The following PCDHGA4 variants were observed in gnomAD, a reference collection of about 807,000 sequenced individuals.
PCDHGA4 encodes protocadherin gamma subfamily A, 4, also known as protocadherin gamma-A4.
Under a neutral mutation model 54.6 loss-of-function variants are expected in PCDHGA4, and 38 were observed. That is an observed-to-expected ratio of 0.70 (90% CI 0.54 to 0.91). The LOEUF is 0.91. Ranked by LOEUF, PCDHGA4 falls within the 40% of genes least tolerant of loss-of-function variation. The pLI, the probability that PCDHGA4 is intolerant of heterozygous loss-of-function variation, is 0.00. For missense variants in PCDHGA4, 1,298 were observed against 1,220.9 expected (o/e 1.06, Z -0.94); for synonymous variants, 511 against 512.9 (o/e 1.00, Z 0.05).
At chr5:141,458,201 TAGTTTAAAATA>T (rs1175017515) in intron 1 of PCDHGA4, among the ~76,000 whole-genome samples, 1 of 152,168 alleles carries the variant, frequency 6.6e-6, no homozygotes, top group Non-Finnish European at 1.5e-5. Context: ...AGGCCATAAA[TAGTTTAAAATA>T]AGTTTCCTTT....
intron 1 of PCDHGA4, among the ~76,000 whole-genome samples, chr5:141,380,341 G>A (rs1359705635): frequency 6.6e-6 from 1 of 152,024 alleles, no homozygotes; most frequent in Non-Finnish European, 1.5e-5. Context: ...TCAAAGAACT[G>A]TTTTGTTGTT....
rs978615543 is a variant in PCDHGA4, at chr5:141,362,706, T to A, written c.2514+5085T>A. On this transcript the variant is annotated intron_variant, in intron 1 of 3. Transcript: ENST00000571252. ...TAATCTTATCTAACTGAATTTTAAG[T>A]GTTTTCTCTCTGAAGTGTGAGATTT... The A allele has an allele frequency of 3.0e-6, 3 of 988,590 alleles. No individual in the cohort carries two copies. The African/African-American group carries it at 4.9e-5, about 16-fold the overall frequency. 61.2% of individuals were successfully genotyped at this position (988,590 alleles called of 1,614,324 possible).
rs1157536797 is a variant in PCDHGA4, at chr5:141,355,793, G to C, written c.686G>C (p.Arg229Pro). 6.2e-7 allele frequency: 1 copy of C among 1,613,456 alleles called. No individual in the cohort carries two copies. Among genetic ancestry groups the C allele is most frequent in the African/African-American group, 1.3e-5 (1 of 74,904 alleles). The change falls in exon 1 of 4, where the codon CGC (arginine) becomes CCC (proline). Residue 229 changes from arginine to proline, a missense_variant. Transcript: ENST00000571252. ...GIKYPELVLE[R>P]ALDREEEAVH... ...AAGTACCCAGAGCTGGTGCTGGAACGCGCTCTAGATCGCGAGGAAGAGGCG... is the reference window on the plus strand; with the variant it reads ...AAGTACCCAGAGCTGGTGCTGGAACCCGCTCTAGATCGCGAGGAAGAGGCG...
At chr5:141,360,081 C>A (rs1380331452) in intron 1 of PCDHGA4, 2 of 1,486,164 alleles carry the variant, frequency 1.3e-6, no homozygotes, top group Non-Finnish European at 1.8e-6. Context: ...CCGGATTCTG[C>A]CATCCCCGGA....
In PCDHGA4 at chr5:141,372,299, G is replaced by T. The variant is rs35459734; in HGVS notation, c.2514+14678G>T. The stretch of plus-strand genomic sequence containing the variant: ...GCACGGCGCGTACCTTGGGCGACAG[G>T]GAGGCCGCCCGCCAGCGCCTGCTGG... On this transcript the variant is annotated intron_variant, in intron 1 of 3. Coordinates refer to ENST00000571252, the MANE Select transcript of PCDHGA4 (RefSeq NM_018917.4). The T allele has an allele frequency of 1.9e-3, 2,997 of 1,613,318 alleles. 22 individuals are homozygous for T. Among genetic ancestry groups the T allele is most frequent in the African/African-American group, 0.017 (1,313 of 75,058 alleles).
intron 1 of PCDHGA4, chr5:141,378,091 TC>T (rs1774623141): frequency 6.6e-6 from 1 of 152,230 alleles, no homozygotes; most frequent in African/African-American, 2.4e-5. Flanking sequence ...TAACTTTTTT[TC>T]AAACTCTAAA....
rs759045688 is a variant in PCDHGA4 at position 141,395,208 on chromosome 5, G to C, written c.2514+37587G>C. 5.6e-6 allele frequency: 9 copies of C among 1,613,352 alleles called. No individual in the cohort carries two copies. In the Admixed American group the frequency reaches 1.5e-4, roughly 27 times the overall value. ...TTTGTTAACATCCGTAGATTTTCAT[G>C]AATATAAGAATGAAGCTGATCATGG... On this transcript the variant is annotated intron_variant, in intron 1 of 3. Coordinates refer to ENST00000571252, the MANE Select transcript of PCDHGA4 (RefSeq NM_018917.4).
intron 1 of PCDHGA4, chr5:141,478,437 A>G (rs2099455876): frequency 6.2e-7 from 1 of 1,613,758 alleles, no homozygotes; most frequent in African/African-American, 1.3e-5. Flanking sequence ...CCGCTGCTGA[A>G]GAAACCTGGT....
At chr5:141,499,184 A>G (rs2099789986) in intron 2 of PCDHGA4, among the ~76,000 whole-genome samples, 1 of 151,726 alleles carries the variant, frequency 6.6e-6, no homozygotes, top group African/African-American at 2.4e-5. Context: ...CCAGCAAACC[A>G]TTTCCCCCTT....
chr5:141,384,410 A>T, intron 1 of PCDHGA4: 3 of 1,613,844 alleles, frequency 1.9e-6, no homozygotes, highest in Non-Finnish European at 2.5e-6. Flanking sequence ...GTGTCCTCCT[A>T]TGTCTCCATA....
Position 141,511,464 on chromosome 5 carries a change from C to G in PCDHGA4, c.*291C>G. 1.9e-6 allele frequency: 1 copy of G among 538,254 alleles called. No individual in the cohort carries two copies. The highest frequency in any genetic ancestry group is 2.1e-5 in the South Asian group (1 of 47,028). The allele number at this position is 538,254 out of a possible 1,614,324, so 33.3% of individuals were successfully genotyped here. On this transcript the variant is annotated 3_prime_UTR_variant, in exon 4 of 4. Transcript: ENST00000571252. ...ACACCAAGAACCATTTGCCACACCC[C>G]GTTTAGTTACAGCTGAACTCCTCCA...
At chr5:141,361,729 C>A in intron 1 of PCDHGA4, 1 of 1,613,256 alleles carries the variant, frequency 6.2e-7, no homozygotes, top group East Asian at 2.2e-5. Flanking sequence ...CGAGCTCACA[C>A]TGCAGGCCCG....
At chr5:141,415,712 T>G (rs2095901969) in intron 1 of PCDHGA4, 3 of 1,326,794 alleles carry the variant, frequency 2.3e-6, no homozygotes, top group Non-Finnish European at 3.1e-6. Context: ...GCTAAAACAC[T>G]GATGAGTAGA....
intron 1 of PCDHGA4, among the ~76,000 whole-genome samples, chr5:141,443,297 A>G (rs1208893030): frequency 6.7e-6 from 1 of 148,196 alleles, no homozygotes; most frequent in East Asian, 2.0e-4. Context: ...CCTGGACAGC[A>G]TGGCAAAAAC....
intron 1 of PCDHGA4, chr5:141,366,607 C>A: frequency 6.2e-7 from 1 of 1,614,268 alleles, no homozygotes; most frequent in Non-Finnish European, 8.5e-7. Context: ...AGGTCTCCCT[C>A]ACCGCGGACT....
rs1485167379 is a variant in PCDHGA4, at chr5:141,485,881, C to T, written c.2515-8926C>T. 5.0e-6 allele frequency: 8 copies of T among 1,613,984 alleles called. No homozygotes were observed. Among genetic ancestry groups the T allele is most frequent in the East Asian group, 2.2e-5 (1 of 44,880 alleles). On this transcript the variant is annotated intron_variant, in intron 1 of 3. Transcript: ENST00000571252. The surrounding 1 kb of genome is among the most constrained non-coding windows in gnomAD (Gnocchi z 5.7). ...TCCGGGTATCCGTGCTGGACGTAAACGACAACGCCCCAGCCTTCCAGCAAT... is the reference window on the plus strand; with the variant it reads ...TCCGGGTATCCGTGCTGGACGTAAATGACAACGCCCCAGCCTTCCAGCAAT...
intron 2 of PCDHGA4, among the ~76,000 whole-genome samples, chr5:141,499,884 C>T (rs917762715): frequency 2.0e-5 from 3 of 152,014 alleles, no homozygotes; most frequent in Admixed American, 6.5e-5. Flanking sequence ...AACAGGGTTT[C>T]GCCATGTTGG....
intron 1 of PCDHGA4, chr5:141,478,581 T>C: frequency 6.3e-7 from 1 of 1,580,158 alleles, no homozygotes; most frequent in Non-Finnish European, 8.6e-7. Flanking sequence ...ACCCTGTTAG[T>C]GCTTTTTTAT....
chr5:141,491,666 G>T lies in PCDHGA4; in HGVS notation c.2515-3141G>T, dbSNP rs373526771. Reference sequence around the variant, plus strand: ...CTGGCGCTGGAGCCTGACGCCATCCGGTCCCGCTCTAATACGCTGCGGGAG... The same window carrying T: ...CTGGCGCTGGAGCCTGACGCCATCCTGTCCCGCTCTAATACGCTGCGGGAG... On this transcript the variant is annotated intron_variant, in intron 1 of 3. Transcript: ENST00000571252. This position sits in a 1 kb window ranked among gnomAD's most constrained non-coding sequence, Gnocchi z 6.9. 1.2e-6 allele frequency: 2 copies of T among 1,613,732 alleles called. No homozygotes were observed. Among genetic ancestry groups the T allele is most frequent in the Non-Finnish European group, 1.7e-6 (2 of 1,180,008 alleles).
Sources: gnomAD v4.1 joint callset for allele counts (sites outside exome capture counted in the v4.1 genomes callset) on GRCh38, gnomAD v4.1.1 for gene constraint, Gnocchi (gnomAD v3.1) non-coding constraint, MANE v1.5 for transcripts, NCBI Gene and HGNC (gene_info 2026-07-23, HGNC 2026-07-21) for gene names.